Variants in NCOR2 observed in about 807,000 individuals in gnomAD.
NCOR2 encodes CTG repeat protein 26.
In NCOR2, 81 loss-of-function variants were observed where a neutral mutation model predicts 262.9. The observed-to-expected ratio is 0.31, with a 90% CI of 0.26 to 0.37. The LOEUF (loss-of-function observed/expected upper bound fraction) is 0.37, where lower values mean the gene tolerates loss of function less well. Among genes scored for constraint, NCOR2 ranks in the 10% least tolerant of loss-of-function variants. NCOR2 has a pLI of 1.00. For synonymous variants in NCOR2, 1,659 were observed against 1,559.3 expected (o/e 1.06, Z -1.51); for missense variants, 3,385 against 3,621.4 (o/e 0.93, Z 1.68).
chr12:124,438,548 A>T (rs1179469746), intron 7 of NCOR2, among the ~76,000 whole-genome samples: 1 of 141,472 alleles, frequency 7.1e-6, no homozygotes, highest in Non-Finnish European at 1.6e-5. Flanking sequence ...GGACTTCAGG[A>T]AACCCCCGGG....
chr12:124,386,150 G>T (rs1187018620), intron 16 of NCOR2, among the ~76,000 whole-genome samples: 1 of 152,176 alleles, frequency 6.6e-6, no homozygotes, highest in Non-Finnish European at 1.5e-5. Flanking sequence ...GAAAGGCCTG[G>T]GCTGGAGGAG....
intron 5 of NCOR2, among the ~76,000 whole-genome samples, chr12:124,462,042 C>A (rs891526490): frequency 6.6e-6 from 1 of 152,176 alleles, no homozygotes; most frequent in Non-Finnish European, 1.5e-5. Context: ...CACGAATCAC[C>A]ACATGCTCGT....
At chr12:124,405,970 G>A (rs1252230308) in intron 13 of NCOR2, among the ~76,000 whole-genome samples, 2 of 152,170 alleles carry the variant, frequency 1.3e-5, no homozygotes, top group Non-Finnish European at 2.9e-5. Context: ...GGAGCCCTGC[G>A]AAGTCCTGAT....
At chr12:124,386,203 A>C (rs986993414) in intron 16 of NCOR2, among the ~76,000 whole-genome samples, 1 of 151,988 alleles carries the variant, frequency 6.6e-6, no homozygotes, top group Non-Finnish European at 1.5e-5. Flanking sequence ...ACTGCGCGGG[A>C]GTCTGGGGGC....
exon 32 of NCOR2, chr12:124,344,657 C>A: frequency 1.3e-6 from 2 of 1,486,478 alleles, no homozygotes; most frequent in Admixed American, 4.6e-5. Context: ...GGGAGGTGGC[C>A]GGCAAAGGGT....
In NCOR2 at chr12:124,481,126, G is replaced by C. The variant is rs1260473588; in HGVS notation, c.411+2470C>G. 1.3e-5 allele frequency among the ~76,000 whole-genome samples: 2 copies of C among 151,784 alleles called. No individual in the cohort carries two copies. Among genetic ancestry groups the C allele is most frequent in the Admixed American group, 6.6e-5 (1 of 15,240 alleles). On this transcript the variant is annotated intron_variant, in intron 3 of 46. Transcript: ENST00000405201. The surrounding 1 kb of genome is among the most constrained non-coding windows in gnomAD (Gnocchi z 4.6). ...GGTGAAGGGGAGTGAGCAGGACAGG[G>C]GGGCTGTTTGGGTGGAAAGAAAGAG...
chr12:124,499,261 G>A (rs914280114), upstream of NCOR2, among the ~76,000 whole-genome samples: 3 of 152,266 alleles, frequency 2.0e-5, no homozygotes, highest in African/African-American at 4.8e-5. Flanking sequence ...GCTGGAGGGG[G>A]AATTCAGACA....
At chr12:124,365,838 C>T (rs927352416) in intron 20 of NCOR2, among the ~76,000 whole-genome samples, 3 of 152,034 alleles carry the variant, frequency 2.0e-5, no homozygotes, top group African/African-American at 4.8e-5. Context: ...GTGCTCTCCC[C>T]GCCATCCTCA....
At chr12:124,533,219 C>A (rs141354847) in intron 1 of NCOR2, among the ~76,000 whole-genome samples, 17 of 151,848 alleles carry the variant, frequency 1.1e-4, no homozygotes, top group Non-Finnish European at 2.2e-4. Context: ...TAGTGGGGGG[C>A]CCCCAAAGGC....
At chr12:124,344,664 G>T in exon 32 of NCOR2, 1 of 1,495,290 alleles carries the variant, frequency 6.7e-7, no homozygotes, top group Non-Finnish European at 9.0e-7. Context: ...GGCCGGCAAA[G>T]GGTGCCCCGT....
chr12:124,505,768 C>G (rs1264539668), intron 1 of NCOR2, among the ~76,000 whole-genome samples: 3 of 152,124 alleles, frequency 2.0e-5, no homozygotes, highest in Non-Finnish European at 2.9e-5. Context: ...GCCGACCACT[C>G]GGGGGAAGGA....
intron 10 of NCOR2, chr12:124,429,343 TG>T (rs1218162958): frequency 6.1e-6 from 3 of 495,042 alleles, no homozygotes; most frequent in African/African-American, 3.9e-5. Flanking sequence ...ACCCCCTCCC[TG>T]TTGTGGCATC....
intron 16 of NCOR2, among the ~76,000 whole-genome samples, chr12:124,397,287 C>T (rs1352360275): frequency 6.6e-6 from 1 of 152,232 alleles, no homozygotes; most frequent in African/African-American, 2.4e-5. Flanking sequence ...CACCATGGGC[C>T]CTCACACAGG....
chr12:124,421,105 A>T (rs2043177500), intron 12 of NCOR2, among the ~76,000 whole-genome samples: 1 of 152,268 alleles, frequency 6.6e-6, no homozygotes, highest in Non-Finnish European at 1.5e-5. Context: ...CCGGCTCCGG[A>T]CAGCAGCTGC....
At chr12:124,425,190 T>C (rs1162352019) in intron 11 of NCOR2, among the ~76,000 whole-genome samples, 3 of 152,100 alleles carry the variant, frequency 2.0e-5, no homozygotes, top group Non-Finnish European at 1.5e-5. Context: ...CTGGCTAACA[T>C]GGTGAAACCC....
chr12:124,334,529 C>A, exon 41 of NCOR2: 1 of 1,432,500 alleles, frequency 7.0e-7, no homozygotes, highest in Non-Finnish European at 9.1e-7. Context: ...GACGGGGCAG[C>A]TGGCCCCAGG....
chr12:124,504,036 C>T lies in NCOR2; in HGVS notation c.-117-8668G>A, dbSNP rs946579384. ...GTAAGAAGGACCCTAGGGAAAACTG[C>T]CTCCAGTCCCAAACCCAGACTCAGC... is the stretch of plus-strand genomic sequence containing the variant. On this transcript the variant is annotated intron_variant, in intron 1 of 46. Transcript: ENST00000404621. The surrounding 1 kb of genome is among the most constrained non-coding windows in gnomAD (Gnocchi z 4.5). Among the ~76,000 whole-genome samples, 1 of 152,174 alleles carries T rather than the reference C, an allele frequency of 6.6e-6. No individual in the cohort carries two copies. Among genetic ancestry groups the T allele is most frequent in the Non-Finnish European group, 1.5e-5 (1 of 68,034 alleles).
intron 17 of NCOR2, among the ~76,000 whole-genome samples, chr12:124,385,178 TG>T (rs1224315390): frequency 6.6e-6 from 1 of 152,130 alleles, no homozygotes; most frequent in Non-Finnish European, 1.5e-5. Context: ...GAGGCGAGCC[TG>T]CACCTTCTGT....
At chr12:124,417,261 G>GCAGGCCGGACACTCACTCCACGGAC (rs2042956923) in intron 13 of NCOR2, among the ~76,000 whole-genome samples, 2 of 49,670 alleles carry the variant, frequency 4.0e-5, no homozygotes, top group East Asian at 7.7e-4. Context: ...ACTCCACGGA[G>GCAGGCCGGACACTCACTCCACGGAC]AGCAGGCCGG....
Sources: gnomAD v4.1 joint callset for allele counts (sites outside exome capture counted in the v4.1 genomes callset) on GRCh38, gnomAD v4.1.1 for gene constraint, Gnocchi (gnomAD v3.1) non-coding constraint, MANE v1.5 for transcripts, NCBI Gene and HGNC (gene_info 2026-07-23, HGNC 2026-07-21) for gene names.